The following CTDSPL2 variants were observed in gnomAD, a reference collection of about 807,000 sequenced individuals.
The protein encoded by CTDSPL2 is CTD small phosphatase like 2.
Under a neutral mutation model 60.0 loss-of-function variants are expected in CTDSPL2, and 5 were observed. The ratio of observed to expected loss-of-function variants is 0.08; its 90% confidence interval spans 0.04 to 0.18. CTDSPL2 has a LOEUF of 0.18. CTDSPL2 is among the 10% of genes least tolerant of loss of function. The probability of loss-of-function intolerance (pLI) is 1.00; values close to 1 mark genes in which losing one functional copy is unlikely to be tolerated. For synonymous variants in CTDSPL2, 186 were observed against 189.3 expected (o/e 0.98, Z 0.14); for missense variants, 370 against 548.8 (o/e 0.67, Z 3.26).
intron 1 of CTDSPL2, among the ~76,000 whole-genome samples, chr15:44,456,170 C>T (rs1258985329): frequency 1.3e-5 from 2 of 152,220 alleles, no homozygotes; most frequent in African/African-American, 4.8e-5. Context: ...ATTTTTGCAT[C>T]AATGTTCATC....
At chr15:44,459,772 T>C (rs2080525703) in intron 2 of CTDSPL2, among the ~76,000 whole-genome samples, 1 of 152,208 alleles carries the variant, frequency 6.6e-6, no homozygotes, top group South Asian at 2.1e-4. Context: ...GTTGTTTCTT[T>C]TACTTTCATT....
At chr15:44,452,547 G>A (rs2080353138) in intron 1 of CTDSPL2, among the ~76,000 whole-genome samples, 1 of 151,978 alleles carries the variant, frequency 6.6e-6, no homozygotes, top group African/African-American at 2.4e-5. Context: ...ATTTCTCTTG[G>A]ATAAAAATGT....
chr15:44,519,311 A>T lies in CTDSPL2; in HGVS notation c.1239+16A>T, dbSNP rs1246856517. The T allele has an allele frequency of 1.3e-5, 20 of 1,542,744 alleles. No homozygotes were observed. Among genetic ancestry groups the T allele is most frequent in the Non-Finnish European group, 1.7e-5 (20 of 1,155,098 alleles). ...TGCATATCAGGTAGGAAGAAAGTTG[A>T]TAAACAAACTCAGATTGGAAAAAAT... On this transcript the variant is annotated intron_variant, in intron 11 of 12. Coordinates refer to ENST00000260327, the MANE Select transcript of CTDSPL2 (RefSeq NM_016396.3).
chr15:44,492,003 A>T (rs957706566), intron 5 of CTDSPL2, among the ~76,000 whole-genome samples: 4 of 151,826 alleles, frequency 2.6e-5, no homozygotes, highest in Non-Finnish European at 4.4e-5. Flanking sequence ...AGCTGGGATT[A>T]CAGGCATGTG....
chr15:44,462,577 A>T (rs929684807), intron 2 of CTDSPL2, among the ~76,000 whole-genome samples: 1 of 151,682 alleles, frequency 6.6e-6, no homozygotes, highest in Non-Finnish European at 1.5e-5. Flanking sequence ...GATAGGGCTT[A>T]GGCAGTAATG....
chr15:44,500,928 ATGTAT>A (rs1288773105), intron 8 of CTDSPL2, among the ~76,000 whole-genome samples: 1 of 152,172 alleles, frequency 6.6e-6, no homozygotes, highest in Non-Finnish European at 1.5e-5. Flanking sequence ...TTTAGTCCTG[ATGTAT>A]AATCGGGGGT....
At position 44,431,714 on chromosome 15, in the gene CTDSPL2, TTG is replaced by T. The variant is rs1491088662; in HGVS notation, c.-25+3944_-25+3945del. Among the ~76,000 whole-genome samples the T allele has an allele frequency of 2.1e-3, 311 of 145,630 alleles. 2 individuals are homozygous for T. Among genetic ancestry groups the T allele is most frequent in the African/African-American group, 7.7e-3 (295 of 38,452 alleles). On this transcript the variant is annotated intron_variant, in intron 1 of 12. Coordinates refer to ENST00000260327, the MANE Select transcript of CTDSPL2 (RefSeq NM_016396.3). ...GTTTTTTGTTTGTTTGTTTGTTTGT[TTG>T]TTTTTTTTTTTTTTTTTTTGAGACA... is the stretch of plus-strand genomic sequence containing the variant.
intron 1 of CTDSPL2, among the ~76,000 whole-genome samples, chr15:44,457,599 TG>T (rs201403544): frequency 6.2e-5 from 7 of 112,544 alleles, no homozygotes; most frequent in East Asian, 2.7e-4. Context: ...CTTTTTTGGT[TG>T]GGGGGGGTGG....
chr15:44,498,962 G>A (rs2081345291), intron 7 of CTDSPL2, among the ~76,000 whole-genome samples: 1 of 152,128 alleles, frequency 6.6e-6, no homozygotes. Context: ...TAAATGAACA[G>A]AGTATATATT....
At chr15:44,510,217 C>G (rs767128265) in intron 8 of CTDSPL2, among the ~76,000 whole-genome samples, 2 of 152,034 alleles carry the variant, frequency 1.3e-5, no homozygotes, top group Non-Finnish European at 2.9e-5. Context: ...TGGCTGGTCT[C>G]AAACTCCTGA....
At chr15:44,474,980 CAATA>C (rs1366718137) in intron 2 of CTDSPL2, among the ~76,000 whole-genome samples, 4 of 152,088 alleles carry the variant, frequency 2.6e-5, no homozygotes, top group Non-Finnish European at 5.9e-5. Flanking sequence ...GACTGAAAGA[CAATA>C]AATAAATAAT....
At chr15:44,471,172 G>A (rs2080802197) in intron 2 of CTDSPL2, among the ~76,000 whole-genome samples, 1 of 152,098 alleles carries the variant, frequency 6.6e-6, no homozygotes, top group South Asian at 2.1e-4. Context: ...ACATGTATCT[G>A]TAGTTGATTC....
At chr15:44,515,042 A>C (rs1057446979) in intron 10 of CTDSPL2, among the ~76,000 whole-genome samples, 198 bp downstream of exon 10, 8 of 152,168 alleles carry the variant, frequency 5.3e-5, no homozygotes, top group African/African-American at 1.9e-4. Context: ...TAAAGGATAC[A>C]AAGATCCAGT....
At chr15:44,509,075 C>G (rs1443256797) in intron 8 of CTDSPL2, among the ~76,000 whole-genome samples, 1 of 152,058 alleles carries the variant, frequency 6.6e-6, no homozygotes, top group African/African-American at 2.4e-5. Context: ...GTAGAAATTA[C>G]TAAGTATATA....
At chr15:44,461,019 A>G (rs1424833783) in intron 2 of CTDSPL2, among the ~76,000 whole-genome samples, 11 of 152,202 alleles carry the variant, frequency 7.2e-5, no homozygotes, top group Non-Finnish European at 1.3e-4. Flanking sequence ...ACTTGAAAAC[A>G]GATCTGTGTT....
chr15:44,488,711 C>G (rs1470816912), intron 4 of CTDSPL2, among the ~76,000 whole-genome samples: 1 of 152,066 alleles, frequency 6.6e-6, no homozygotes, highest in Non-Finnish European at 1.5e-5. Flanking sequence ...CCCAGCTACT[C>G]AAGAGGCTGA....
At chr15:44,466,003 T>G (rs1281978655) in intron 2 of CTDSPL2, among the ~76,000 whole-genome samples, 2 of 151,242 alleles carry the variant, frequency 1.3e-5, no homozygotes, top group African/African-American at 2.4e-5. Context: ...GGGACCATGT[T>G]GGCTCACTGC....
intron 1 of CTDSPL2, among the ~76,000 whole-genome samples, chr15:44,432,101 A>G (rs1441494079): frequency 2.0e-5 from 3 of 152,118 alleles, no homozygotes; most frequent in African/African-American, 7.2e-5. Flanking sequence ...GAAAGATGAC[A>G]GGCATGGTGG....
intron 1 of CTDSPL2, chr15:44,448,612 A>T (rs1212019825): frequency 3.3e-6 from 1 of 306,996 alleles, no homozygotes; most frequent in Non-Finnish European, 6.4e-6. Context: ...CACATTTTCC[A>T]TACCGCCACC....
Sources: allele counts gnomAD v4.1 joint callset (sites outside exome capture counted in the v4.1 genomes callset), GRCh38; gene constraint gnomAD v4.1.1; transcripts MANE v1.5; gene names NCBI Gene and HGNC (gene_info 2026-07-23, HGNC 2026-07-21).